The following WDPCP variants were observed in gnomAD, a reference collection of about 807,000 sequenced individuals.
WDPCP encodes the protein WD repeat containing planar cell polarity effector.
Under a neutral mutation model 93.1 loss-of-function variants are expected in WDPCP, and 71 were observed. The ratio of observed to expected loss-of-function variants is 0.76; its 90% CI spans 0.63 to 0.93. The LOEUF is 0.93. Ranked by LOEUF, WDPCP falls within the 40% of genes least tolerant of loss-of-function variation. WDPCP has a pLI of 0.00. For synonymous variants in WDPCP, 315 were observed against 315.0 expected, an observed-to-expected ratio of 1.00 and a Z score of 0.00; for missense variants, 844 against 887.4, an observed-to-expected ratio of 0.95 and a Z score of 0.62.
chr2:63,571,638 T>C (rs1286150777), intron 1 of WDPCP: 1 of 471,128 alleles, frequency 2.1e-6, no homozygotes, highest in Non-Finnish European at 4.4e-6. Flanking sequence ...TGTAAAAGGA[T>C]TAGTTCAATA....
chr2:63,608,152 T>C (rs1268021440), intron 3 of WDPCP, among the ~76,000 whole-genome samples: 2 of 152,132 alleles, frequency 1.3e-5, no homozygotes, highest in African/African-American at 4.8e-5. Context: ...TTGTTAACAG[T>C]GTTATGCCAT....
intron 12 of WDPCP, among the ~76,000 whole-genome samples, chr2:63,318,358 A>C (rs1022590554): frequency 6.6e-6 from 1 of 152,190 alleles, no homozygotes; most frequent in Non-Finnish European, 1.5e-5. Flanking sequence ...AGCAGTTTGG[A>C]GATTTCTCAA....
intron 1 of WDPCP, among the ~76,000 whole-genome samples, chr2:63,501,624 T>C (rs971828101): frequency 2.6e-5 from 4 of 152,178 alleles, no homozygotes; most frequent in Non-Finnish European, 5.9e-5. Flanking sequence ...GTTTGTTTCT[T>C]TCTTTTTTGG....
chr2:63,138,133 T>C (rs997745973), intron 17 of WDPCP, among the ~76,000 whole-genome samples: 1 of 150,616 alleles, frequency 6.6e-6, no homozygotes, highest in Admixed American at 6.7e-5. Context: ...GTGATTTAGA[T>C]TATTTCCCAC....
chr2:63,345,121 C>A (rs1284197645), intron 12 of WDPCP, among the ~76,000 whole-genome samples: 1 of 152,124 alleles, frequency 6.6e-6, no homozygotes, highest in African/African-American at 2.4e-5. Flanking sequence ...TGATATCACT[C>A]CTGCTTCTAT....
intron 14 of WDPCP, among the ~76,000 whole-genome samples, chr2:63,239,933 GA>G (rs1439867841): frequency 1.3e-5 from 2 of 152,116 alleles, no homozygotes. Flanking sequence ...CTATTAAATG[GA>G]TATGAATAAA....
chr2:63,630,337 A>G (rs1234582545), intron 3 of WDPCP, among the ~76,000 whole-genome samples: 1 of 152,230 alleles, frequency 6.6e-6, no homozygotes, highest in Non-Finnish European at 1.5e-5. Flanking sequence ...TAAAAGACAG[A>G]TTGAAAGAAG....
upstream of WDPCP, chr2:63,593,282 C>CGG: frequency 4.8e-6 from 1 of 208,236 alleles, no homozygotes; most frequent in Non-Finnish European, 1.0e-5. Flanking sequence ...TTAGTAGAGA[C>CGG]GGGGTTTCTC....
intron 13 of WDPCP, among the ~76,000 whole-genome samples, chr2:63,273,444 TAA>T (rs201155893): frequency 1.6e-4 from 22 of 139,906 alleles, no homozygotes; most frequent in African/African-American, 4.7e-4. Context: ...TTAAAACATG[TAA>T]AAAAAAAAAA....
Position 63,376,165 on chromosome 2 carries a change from T to C in WDPCP, c.1748+2221A>G, listed in dbSNP as rs149652502. Among the ~76,000 whole-genome samples, 76 of 152,106 alleles carry C rather than the reference T, an allele frequency of 5.0e-4. No homozygotes were observed. In the East Asian group the frequency reaches 0.014, roughly 28 times the overall value. On this transcript the variant is annotated intron_variant, in intron 12 of 17. Coordinates refer to ENST00000272321, the MANE Select transcript of WDPCP (RefSeq NM_015910.7). The stretch of plus-strand genomic sequence containing the variant: ...ATCTCATTTAATTTCTTCAAAACTT[T>C]TGTTTCTTTTTTCATAATACTGTAT...
At chr2:63,180,027 G>C (rs1354776279) in intron 14 of WDPCP, among the ~76,000 whole-genome samples, 1 of 152,060 alleles carries the variant, frequency 6.6e-6, no homozygotes, top group East Asian at 1.9e-4. Flanking sequence ...AGACCTGGAG[G>C]TCATTATCTT....
At chr2:63,674,089 C>A (rs575489150) in intron 2 of WDPCP, among the ~76,000 whole-genome samples, 1 of 152,176 alleles carries the variant, frequency 6.6e-6, no homozygotes, top group Non-Finnish European at 1.5e-5. Flanking sequence ...ACTCTGGTTT[C>A]GAGGAGCCAA....
In WDPCP at chr2:63,747,666, A is replaced by G. The variant is rs533821718; in HGVS notation, n.308+65956T>C. ...GTCTATCCAGCACTAATACTGTACTATCTTAAGAACCACAGCTTTATTAGT... is the reference window on the plus strand; with the variant it reads ...GTCTATCCAGCACTAATACTGTACTGTCTTAAGAACCACAGCTTTATTAGT... On this transcript the variant is annotated intron_variant and non_coding_transcript_variant, in intron 2 of 4. Coordinates refer to the WDPCP transcript ENST00000467687. Among the ~76,000 whole-genome samples, 7 of 152,130 alleles carry G rather than the reference A, an allele frequency of 4.6e-5. No individual in the cohort carries two copies. In the East Asian group the frequency reaches 5.8e-4, roughly 13 times the overall value.
chr2:63,771,024 A>G (rs1188618470), intron 2 of WDPCP, among the ~76,000 whole-genome samples: 1 of 151,726 alleles, frequency 6.6e-6, no homozygotes, highest in African/African-American at 2.4e-5. Flanking sequence ...AAAAATAAAT[A>G]TTTTAAATTT....
At chr2:63,483,156 G>C (rs1338363315) in intron 6 of WDPCP, among the ~76,000 whole-genome samples, 1 of 151,892 alleles carries the variant, frequency 6.6e-6, no homozygotes, top group Non-Finnish European at 1.5e-5. Context: ...CTGTGTGATG[G>C]GTAAGGGTGG....
chr2:63,462,390 C>T (rs994508552), intron 6 of WDPCP, among the ~76,000 whole-genome samples: 11 of 152,108 alleles, frequency 7.2e-5, no homozygotes, highest in African/African-American at 2.7e-4. Context: ...AGGAGATATA[C>T]CTAATGTAAA....
At chr2:63,595,529 G>A (rs1709293702) in intron 3 of WDPCP, 2 of 1,548,404 alleles carry the variant, frequency 1.3e-6, no homozygotes, top group African/African-American at 1.4e-5. Context: ...GGTGGGTTGG[G>A]GAGTAGAGAA....
chr2:63,369,536 T>C (rs1463074918), intron 12 of WDPCP: 5 of 456,294 alleles, frequency 1.1e-5, no homozygotes, highest in Non-Finnish European at 2.2e-5. Context: ...TCCAAACAGA[T>C]ACCTCAACTA....
chr2:63,145,819 T>C (rs958275211), intron 17 of WDPCP, among the ~76,000 whole-genome samples: 17 of 152,258 alleles, frequency 1.1e-4, no homozygotes, highest in African/African-American at 4.1e-4. Context: ...TTTAACAATA[T>C]TGATTCTTCC....
Sources: allele counts gnomAD v4.1 joint callset (sites outside exome capture counted in the v4.1 genomes callset), GRCh38; gene constraint gnomAD v4.1.1; transcripts MANE v1.5; gene names NCBI Gene and HGNC (gene_info 2026-07-23, HGNC 2026-07-21).